FNTB: variants seen among roughly 807,000 people sequenced by gnomAD.
FNTB encodes the protein farnesyltransferase, CAAX box, subunit beta.
FNTB carries 27 observed loss-of-function variants against 59.4 expected under a neutral mutation model. The ratio of observed to expected loss-of-function variants is 0.45; its 90% confidence interval spans 0.34 to 0.63. The LOEUF is 0.63. Ranked by LOEUF, FNTB falls within the 20% of genes least tolerant of loss-of-function variation. FNTB has a pLI of 0.02. For synonymous variants in FNTB, 230 were observed against 220.7 expected, an observed-to-expected ratio of 1.04 and a Z score of -0.37; for missense variants, 449 against 559.6, an observed-to-expected ratio of 0.80 and a Z score of 1.99.
Position 65,052,385 on chromosome 14 carries a change from A to T in FNTB, c.956-853A>T, listed in dbSNP as rs74981000. 3.5e-3 allele frequency among the ~76,000 whole-genome samples: 527 copies of T among 152,320 alleles called. 15 individuals carry two copies. In the East Asian group the frequency reaches 0.087, roughly 25 times the overall value. The stretch of plus-strand genomic sequence containing the variant: ...ACCAATTGTTGGGCATCTTTTTTTT[A>T]AAAATGATTTATTGTCAGGCATCTT... On this transcript the variant is annotated intron_variant, in intron 9 of 11. Coordinates refer to ENST00000246166, the MANE Select transcript of FNTB (RefSeq NM_002028.4).
rs1169947374 is a variant in FNTB, at chr14:65,028,088, A to G, written c.605+307A>G. On this transcript the variant is annotated intron_variant, in intron 6 of 11. Transcript: ENST00000246166. The surrounding 1 kb of genome is among the most constrained non-coding windows in gnomAD (Gnocchi z 4.4). Reference sequence around the variant, plus strand: ...CACAATATAAATAACTGTATGGTGTAATGTATTCCTTCACCTCTCTGAGAT... The same window carrying G: ...CACAATATAAATAACTGTATGGTGTGATGTATTCCTTCACCTCTCTGAGAT... 1.3e-5 allele frequency among the ~76,000 whole-genome samples: 2 copies of G among 152,212 alleles called. No homozygotes were observed. Among genetic ancestry groups the G allele is most frequent in the Non-Finnish European group, 2.9e-5 (2 of 68,036 alleles).
At position 64,994,121 on chromosome 14, in the gene FNTB, C is replaced by T. The variant is rs1888308148; in HGVS notation, c.144+7024C>T. ...CCACCCGCTTCCACCTCCCAAAGTG[C>T]TGGGATTACAGGCGTGAGGTACCAT... On this transcript the variant is annotated intron_variant, in intron 1 of 11. Transcript: ENST00000246166. This position sits in a 1 kb window ranked among gnomAD's most constrained non-coding sequence, Gnocchi z 4.2. 6.6e-6 allele frequency among the ~76,000 whole-genome samples: 1 copy of T among 152,202 alleles called. No individual in the cohort carries two copies. The highest frequency in any genetic ancestry group is 2.1e-4 in the South Asian group (1 of 4,830).
At chr14:65,056,103 T>TTATA (rs899419250) in intron 11 of FNTB, among the ~76,000 whole-genome samples, 2 of 152,222 alleles carry the variant, frequency 1.3e-5, no homozygotes, top group African/African-American at 4.8e-5. Flanking sequence ...AATATATAGT[T>TTATA]TTTTATAAGC....
chr14:65,000,638 G>A (rs1243832366), intron 1 of FNTB, among the ~76,000 whole-genome samples: 1 of 151,668 alleles, frequency 6.6e-6, no homozygotes, highest in Non-Finnish European at 1.5e-5. Flanking sequence ...GGCTAACATG[G>A]TGAAACCCCT....
chr14:65,047,910 C>T lies in FNTB; in HGVS notation c.955+3467C>T, dbSNP rs1263290109. ...CTTTTCCTGGAACCCTACACAAAAC[C>T]CCTTGAACAATGGGTACCTTTGGGA... On this transcript the variant is annotated intron_variant, in intron 9 of 11. Coordinates refer to ENST00000246166, the MANE Select transcript of FNTB (RefSeq NM_002028.4). The surrounding 1 kb of genome is among the most constrained non-coding windows in gnomAD (Gnocchi z 5.2). Among the ~76,000 whole-genome samples the T allele has an allele frequency of 6.6e-6, 1 of 152,064 alleles. No homozygotes were observed. Among genetic ancestry groups the T allele is most frequent in the Non-Finnish European group, 1.5e-5 (1 of 68,020 alleles).
At chr14:65,048,729 C>G (rs1415964825) in intron 9 of FNTB, among the ~76,000 whole-genome samples, 1 of 152,080 alleles carries the variant, frequency 6.6e-6, no homozygotes, top group Non-Finnish European at 1.5e-5. Flanking sequence ...GTGGCACATG[C>G]CTGTAGTCCT....
rs1319964732 is a variant in FNTB, at chr14:65,032,162, G to A, written c.606-448G>A. Among the ~76,000 whole-genome samples, 1 of 152,096 alleles carries A rather than the reference G, an allele frequency of 6.6e-6. No homozygotes were observed. The highest frequency in any genetic ancestry group is 1.5e-5 in the Non-Finnish European group (1 of 68,026). On this transcript the variant is annotated intron_variant, in intron 6 of 11. Transcript: ENST00000246166. This position sits in a 1 kb window ranked among gnomAD's most constrained non-coding sequence, Gnocchi z 5.0. ...TTGCAGTTTATCTGTTGCAGAAAAAGTATAGTTAATCTTTAATGTGTCAAG... is the reference window on the plus strand; with the variant it reads ...TTGCAGTTTATCTGTTGCAGAAAAAATATAGTTAATCTTTAATGTGTCAAG...
chr14:65,062,082 C>T lies in FNTB; in HGVS notation c.*770C>T, dbSNP rs568110900. 1.3e-5 allele frequency: 2 copies of T among 152,710 alleles called. No individual in the cohort carries two copies. Among genetic ancestry groups the T allele is most frequent in the African/African-American group, 2.4e-5 (1 of 41,600 alleles). 9.5% of individuals were successfully genotyped at this position (152,710 alleles called of 1,614,324 possible). ...AAACAGCCCTCCAGTGCCCACCTGC[C>T]TCACTCCTCCCTATCATGTACCGTG... On this transcript the variant is annotated 3_prime_UTR_variant, in exon 12 of 12. Coordinates refer to ENST00000246166, the MANE Select transcript of FNTB (RefSeq NM_002028.4). This position sits in a 1 kb window ranked among gnomAD's most constrained non-coding sequence, Gnocchi z 4.3.
Position 64,997,611 on chromosome 14 carries a change from A to C in FNTB, c.145-6638A>C, listed in dbSNP as rs1258586448. ...GAAGAACCCGTTGGGCGGTTACAAA[A>C]TGAGTAAATCTCAAAGAGGTGGCAT... On this transcript the variant is annotated intron_variant, in intron 1 of 11. Transcript: ENST00000246166. The surrounding 1 kb of genome is among the most constrained non-coding windows in gnomAD (Gnocchi z 4.5). Among the ~76,000 whole-genome samples, 1 of 152,252 alleles carries C rather than the reference A, an allele frequency of 6.6e-6. No homozygotes were observed. The highest frequency in any genetic ancestry group is 6.5e-5 in the Admixed American group (1 of 15,286).
chr14:65,027,305 A>T lies in FNTB; in HGVS notation c.375-148A>T, dbSNP rs2062001355. 1 of 1,227,494 alleles carries T rather than the reference A, an allele frequency of 8.1e-7. No homozygotes were observed. The highest frequency in any genetic ancestry group is 1.5e-5 in the African/African-American group (1 of 66,386). The allele number at this position is 1,227,494 out of a possible 1,614,324, so 76.0% of individuals were successfully genotyped here. On this transcript the variant is annotated intron_variant, in intron 4 of 11. Transcript: ENST00000246166. This position sits in a 1 kb window ranked among gnomAD's most constrained non-coding sequence, Gnocchi z 5.7. ...AGAGAGAATTAAGCCCTTTGGGGAG[A>T]GGTTATATTCAACAAGTGGGAGGAG...
At chr14:65,024,217 A>G (rs968467289) in intron 4 of FNTB, among the ~76,000 whole-genome samples, 1 of 152,200 alleles carries the variant, frequency 6.6e-6, no homozygotes, top group Non-Finnish European at 1.5e-5. Context: ...AAGCACTGAT[A>G]CCTGGCTGAA....
chr14:65,037,397 C>T (rs536126661), intron 7 of FNTB, among the ~76,000 whole-genome samples: 6 of 108,594 alleles, frequency 5.5e-5, no homozygotes, highest in East Asian at 2.3e-4. Context: ...GCCACCACGC[C>T]GGGCCCTTTT....
Position 65,054,605 on chromosome 14 carries a change from C to T in FNTB, c.1098C>T (p.Cys366=). ...KSRDFYHTCY[C]LSGLSIAQHF... ...GTGATTTCTACCACACCTGCTACTG[C>T]CTGAGCGGCCTGTCCATAGCCCAGC... The change falls in exon 11 of 12, where the codon TGC becomes TGT. Residue 366 remains cysteine (C), a synonymous_variant. Transcript: ENST00000246166. This position sits in a 1 kb window ranked among gnomAD's most constrained non-coding sequence, Gnocchi z 4.4. 6.2e-7 allele frequency: 1 copy of T among 1,613,736 alleles called. No homozygotes were observed. The highest frequency in any genetic ancestry group is 1.1e-5 in the South Asian group (1 of 90,934).
In FNTB at chr14:65,031,823, A is replaced by G. The variant is rs2062090609; in HGVS notation, c.606-787A>G. Among the ~76,000 whole-genome samples the G allele has an allele frequency of 6.6e-6, 1 of 152,114 alleles. No individual in the cohort carries two copies. The highest frequency in any genetic ancestry group is 2.4e-5 in the African/African-American group (1 of 41,448). ...GTAATCCCAGCTACTTGGGAGGCTGATACAGGAGAATTGCTTGAACCCAGG... is the reference window on the plus strand; with the variant it reads ...GTAATCCCAGCTACTTGGGAGGCTGGTACAGGAGAATTGCTTGAACCCAGG... On this transcript the variant is annotated intron_variant, in intron 6 of 11. Coordinates refer to ENST00000246166, the MANE Select transcript of FNTB (RefSeq NM_002028.4). This position sits in a 1 kb window ranked among gnomAD's most constrained non-coding sequence, Gnocchi z 4.6.
chr14:65,053,996 G>A (rs981975809), intron 10 of FNTB, among the ~76,000 whole-genome samples: 4 of 152,130 alleles, frequency 2.6e-5, no homozygotes, highest in Non-Finnish European at 5.9e-5. Flanking sequence ...AAGACAGCTG[G>A]AGAGACTGAC....
rs1003827514 is a variant in FNTB, at chr14:65,028,100, C to T, written c.605+319C>T. 2.6e-5 allele frequency among the ~76,000 whole-genome samples: 4 copies of T among 152,190 alleles called. No homozygotes were observed. Among genetic ancestry groups the T allele is most frequent in the Admixed American group, 6.5e-5 (1 of 15,274 alleles). On this transcript the variant is annotated intron_variant, in intron 6 of 11. Transcript: ENST00000246166. This position sits in a 1 kb window ranked among gnomAD's most constrained non-coding sequence, Gnocchi z 4.4. ...AACTGTATGGTGTAATGTATTCCTT[C>T]ACCTCTCTGAGATAGGAAGGGAGGG...
intron 9 of FNTB, among the ~76,000 whole-genome samples, chr14:65,045,415 C>G (rs2062455405): frequency 8.0e-6 from 1 of 125,628 alleles, no homozygotes; most frequent in East Asian, 2.9e-4. Flanking sequence ...CCCCGTCTTC[C>G]CCCCTCCCCG....
At chr14:65,048,301 T>C (rs771477011) in intron 9 of FNTB, among the ~76,000 whole-genome samples, 1 of 151,206 alleles carries the variant, frequency 6.6e-6, no homozygotes, top group Non-Finnish European at 1.5e-5. Flanking sequence ...AGATTTTCTA[T>C]CCTTCTGTAT....
chr14:65,045,705 C>T (rs367559062), intron 9 of FNTB, among the ~76,000 whole-genome samples: 8 of 152,208 alleles, frequency 5.3e-5, no homozygotes, highest in South Asian at 2.1e-4. Context: ...CGTGAGCCAC[C>T]GCACCCGGCC....
Sources: allele counts gnomAD v4.1 joint callset (sites outside exome capture counted in the v4.1 genomes callset), GRCh38; gene constraint gnomAD v4.1.1; non-coding constraint Gnocchi (gnomAD v3.1); transcripts MANE v1.5; gene names NCBI Gene and HGNC (gene_info 2026-07-23, HGNC 2026-07-21).